Variants in IRF2 observed in about 807,000 individuals in gnomAD.
IRF2 encodes interferon regulatory factor 2.
IRF2 carries 15 observed loss-of-function variants against 40.6 expected under a neutral mutation model. The ratio of observed to expected loss-of-function variants is 0.37; its 90% CI spans 0.25 to 0.57. The LOEUF is 0.57. Ranked by LOEUF, IRF2 falls within the 20% of genes least tolerant of loss-of-function variation. The pLI, the probability that IRF2 is intolerant of heterozygous loss-of-function variation, is 0.77. For missense variants in IRF2, 317 were observed against 455.7 expected, an observed-to-expected ratio of 0.70 and a Z score of 2.77; for synonymous variants, 151 against 165.5, an observed-to-expected ratio of 0.91 and a Z score of 0.67.
rs772717277 is a variant in IRF2 at position 184,388,180 on chromosome 4, T to G, written c.*578A>C. 110 of 150,430 alleles carry G rather than the reference T, an allele frequency of 7.3e-4. No individual in the cohort carries two copies. The highest frequency in any genetic ancestry group is 1.5e-3 in the Admixed American group (22 of 15,032). 9.3% of individuals were successfully genotyped at this position (150,430 alleles called of 1,614,324 possible). ...TCCTCCGGATGTGGAATGGAAGCTT[T>G]GAGGGAAGGAAAAGTAGGAAAAGAG... is the stretch of plus-strand genomic sequence containing the variant. On this transcript the variant is annotated 3_prime_UTR_variant, in exon 9 of 9. Transcript: ENST00000393593. This position sits in a 1 kb window ranked among gnomAD's most constrained non-coding sequence, Gnocchi z 4.6.
At chr4:184,394,001 G>A (rs527827134) in intron 7 of IRF2, among the ~76,000 whole-genome samples, 4 of 152,130 alleles carry the variant, frequency 2.6e-5, no homozygotes, top group South Asian at 2.1e-4. Context: ...ATCAACATAC[G>A]TTGTCATTTC....
intron 2 of IRF2, among the ~76,000 whole-genome samples, chr4:184,423,264 C>T (rs1410300804): frequency 2.6e-5 from 4 of 152,302 alleles, no homozygotes; most frequent in South Asian, 2.1e-4. Context: ...TATAGACAGA[C>T]GCGCCATGCC....
Position 184,408,408 on chromosome 4 carries a change from C to A in IRF2, c.412-133G>T. On this transcript the variant is annotated intron_variant, in intron 5 of 8. Transcript: ENST00000393593. This position sits in a 1 kb window ranked among gnomAD's most constrained non-coding sequence, Gnocchi z 4.9. ...GTTCAGCTGCCGAATACATTCATCC[C>A]CTGCTTCTTTAAACTGGCCTGTTTT... 1.5e-6 allele frequency: 1 copy of A among 679,830 alleles called. No homozygotes were observed. The highest frequency in any genetic ancestry group is 2.6e-5 in the East Asian group (1 of 38,812). The allele number at this position is 679,830 out of a possible 1,614,324, so 42.1% of individuals were successfully genotyped here. A position where few individuals can be genotyped will look rare whatever the true frequency, so the allele number is the denominator to read the frequency against.
intron 6 of IRF2, among the ~76,000 whole-genome samples, chr4:184,404,043 G>A (rs1210642936): frequency 1.3e-5 from 2 of 151,996 alleles, no homozygotes; most frequent in Non-Finnish European, 2.9e-5. Context: ...CTTAATGTAG[G>A]TCTCCACCTG....
chr4:184,434,402 T>C (rs7685698), intron 1 of IRF2, among the ~76,000 whole-genome samples: 20,055 of 152,210 alleles, frequency 0.13, 1,511 homozygotes, highest in East Asian at 0.21. Context: ...TGAATCATAA[T>C]CTGATGTTTT....
In IRF2 at chr4:184,474,003, GCA is replaced by G. The variant is rs1439848617; in HGVS notation, c.-7+374_-7+375del. 1.3e-5 allele frequency: 2 copies of G among 152,686 alleles called. No homozygotes were observed. The highest frequency in any genetic ancestry group is 4.8e-5 in the African/African-American group (2 of 41,436). The allele number at this position is 152,686 out of a possible 1,614,324, so 9.5% of individuals were successfully genotyped here. A position where few individuals can be genotyped will look rare whatever the true frequency, so the allele number is the denominator to read the frequency against. On this transcript the variant is annotated intron_variant, in intron 1 of 8. Coordinates refer to ENST00000393593, the MANE Select transcript of IRF2 (RefSeq NM_002199.4). This position sits in a 1 kb window ranked among gnomAD's most constrained non-coding sequence, Gnocchi z 5.6. ...CACACACAACACCTGGGGCGCAGAAGCACACACAGCAGGTCTGTGTCCATGGA... is the reference window on the plus strand; with the variant it reads ...CACACACAACACCTGGGGCGCAGAAGCACACAGCAGGTCTGTGTCCATGGA...
intron 5 of IRF2, among the ~76,000 whole-genome samples, chr4:184,409,640 T>C (rs1274677747): frequency 5.3e-5 from 8 of 152,180 alleles, no homozygotes; most frequent in Admixed American, 5.2e-4. Flanking sequence ...CACCCTGGAA[T>C]CTCAGCACTT....
At chr4:184,460,770 C>T (rs1739116956) in intron 1 of IRF2, among the ~76,000 whole-genome samples, 1 of 152,070 alleles carries the variant, frequency 6.6e-6, no homozygotes. Flanking sequence ...CCAGTTTCCC[C>T]TTCAAGGCAA....
intron 1 of IRF2, among the ~76,000 whole-genome samples, chr4:184,452,943 A>C (rs976077740): frequency 5.3e-5 from 8 of 152,146 alleles, no homozygotes; most frequent in South Asian, 2.1e-4. Context: ...AAGGTATTAA[A>C]AATTTTAAAA....
intron 7 of IRF2, 38 bp from the exon 8 acceptor site, chr4:184,390,787 G>T: frequency 6.2e-7 from 1 of 1,611,574 alleles, no homozygotes; most frequent in Non-Finnish European, 8.5e-7. Flanking sequence ...CATCATTCCT[G>T]TCCCTCAAGC....
At chr4:184,398,666 A>AATAAAT (rs1561084640) in intron 7 of IRF2, among the ~76,000 whole-genome samples, 17 of 147,044 alleles carry the variant, frequency 1.2e-4, no homozygotes, top group Non-Finnish European at 1.9e-4. Flanking sequence ...AAAAAAAAAA[A>AATAAAT]AAATAAATAA....
At chr4:184,399,405 G>A (rs1299259674) in intron 6 of IRF2, among the ~76,000 whole-genome samples, 1 of 152,214 alleles carries the variant, frequency 6.6e-6, no homozygotes, top group African/African-American at 2.4e-5. Flanking sequence ...GCGGCATCCA[G>A]CCCCAGCCCC....
rs17075839 is a variant in IRF2, at chr4:184,418,823, T to C, written c.188-115A>G. On this transcript the variant is annotated intron_variant, in intron 3 of 8. Transcript: ENST00000393593. ...AGTATAAGGAAACCTTTTCACTCCA[T>C]GCTATACCTCCAGTGACCAATCGTC... The C allele has an allele frequency of 8.5e-4, 685 of 801,404 alleles. 6 individuals carry two copies. In the East Asian group the frequency reaches 0.016, roughly 18 times the overall value. 49.6% of individuals were successfully genotyped at this position (801,404 alleles called of 1,614,324 possible). A position where few individuals can be genotyped will look rare whatever the true frequency, so the allele number is the denominator to read the frequency against.
At chr4:184,419,256 G>C (rs1040384537) in intron 3 of IRF2, among the ~76,000 whole-genome samples, 2 of 152,088 alleles carry the variant, frequency 1.3e-5, no homozygotes, top group African/African-American at 4.8e-5. Flanking sequence ...ACATTTATAG[G>C]AAATTGAAGG....
Position 184,408,792 on chromosome 4 carries a change from G to A in IRF2, c.412-517C>T, listed in dbSNP as rs918261055. Among the ~76,000 whole-genome samples, 3 of 152,182 alleles carry A rather than the reference G, an allele frequency of 2.0e-5. No homozygotes were observed. Among genetic ancestry groups the A allele is most frequent in the Admixed American group, 6.5e-5 (1 of 15,282 alleles). Reference sequence around the variant, plus strand: ...TTCTCTGCAGATAAGTTTTGCCATGGCCTCTGGCCACCTGAGGCCCTGCAT... The same window carrying A: ...TTCTCTGCAGATAAGTTTTGCCATGACCTCTGGCCACCTGAGGCCCTGCAT... On this transcript the variant is annotated intron_variant, in intron 5 of 8. Coordinates refer to ENST00000393593, the MANE Select transcript of IRF2 (RefSeq NM_002199.4). This position sits in a 1 kb window ranked among gnomAD's most constrained non-coding sequence, Gnocchi z 4.9.
intron 2 of IRF2, among the ~76,000 whole-genome samples, chr4:184,426,686 A>G (rs1317165001): frequency 6.6e-6 from 1 of 152,220 alleles, no homozygotes; most frequent in Non-Finnish European, 1.5e-5. Flanking sequence ...AGCGGTCAAC[A>G]TATCAGGCAC....
At position 184,401,867 on chromosome 4, in the gene IRF2, C is replaced by G. The variant is rs113816379; in HGVS notation, c.530-2788G>C. Among the ~76,000 whole-genome samples, 151 of 152,328 alleles carry G rather than the reference C, an allele frequency of 9.9e-4. 2 individuals carry two copies. Among genetic ancestry groups the G allele is most frequent in the Middle Eastern group, 3.4e-3 (1 of 294 alleles). On this transcript the variant is annotated intron_variant, in intron 6 of 8. Coordinates refer to ENST00000393593, the MANE Select transcript of IRF2 (RefSeq NM_002199.4). ...TTTCAAAACTCATCTCTCCTTTGCACGTTGCTCCTAACAGAAAGAGGGCAA... is the reference window on the plus strand; with the variant it reads ...TTTCAAAACTCATCTCTCCTTTGCAGGTTGCTCCTAACAGAAAGAGGGCAA...
chr4:184,404,542 A>T (rs1487373722), intron 6 of IRF2, among the ~76,000 whole-genome samples: 1 of 152,160 alleles, frequency 6.6e-6, no homozygotes, highest in African/African-American at 2.4e-5. Context: ...TCCATTTTAT[A>T]AATAATTATA....
chr4:184,422,070 C>G (rs2149901526), intron 2 of IRF2, among the ~76,000 whole-genome samples: 1 of 152,294 alleles, frequency 6.6e-6, no homozygotes, highest in East Asian at 1.9e-4. Flanking sequence ...GCACCATTCT[C>G]TCTTCCTCCC....
Sources: gnomAD v4.1 joint callset for allele counts (sites outside exome capture counted in the v4.1 genomes callset) on GRCh38, gnomAD v4.1.1 for gene constraint, Gnocchi (gnomAD v3.1) non-coding constraint, MANE v1.5 for transcripts, NCBI Gene and HGNC (gene_info 2026-07-23, HGNC 2026-07-21) for gene names.